Variants in QSER1 observed in about 807,000 individuals in gnomAD.
QSER1 encodes the protein glutamine and serine rich 1, also known as glutamine and serine-rich protein 1.
In QSER1, 49 loss-of-function variants were observed where a neutral mutation model predicts 158.5. The observed-to-expected ratio is 0.31, with a 90% CI of 0.25 to 0.39. QSER1 has a LOEUF of 0.39. Ranked by LOEUF, QSER1 falls within the 10% of genes least tolerant of loss-of-function variation. The pLI is 1.00. For synonymous variants in QSER1, 650 were observed against 715.5 expected (o/e 0.91, Z 1.46); for missense variants, 1,754 against 2,010.3 (o/e 0.87, Z 2.44).
rs745576794 is a variant in QSER1, at chr11:32,933,982, T to G, written c.2724T>G (p.Gly908=). ...QMEGHVIQSN[G]DHSQQQLHPQ... is the part of the protein sequence containing the mutation. ...AAGGTCATGTTATTCAAAGCAATGG[T>G]GATCATTCTCAGCAGCAACTCCATC... The change falls in exon 4 of 13, where the codon GGT becomes GGG. Residue 908 remains glycine (G), a synonymous_variant. Transcript: ENST00000650167. The G allele has an allele frequency of 6.2e-7, 1 of 1,613,876 alleles. No homozygotes were observed. The highest frequency in any genetic ancestry group is 8.5e-7 in the Non-Finnish European group (1 of 1,179,924).
rs541439434 is a variant in QSER1 at position 32,956,328 on chromosome 11, C to CT, written c.4751+211dup. On this transcript the variant is annotated intron_variant, in intron 7 of 12. Coordinates refer to ENST00000650167, the MANE Select transcript of QSER1 (RefSeq NM_001076786.3). The stretch of plus-strand genomic sequence containing the variant: ...TGGCTATCTGTGGTGGGTGGGTGCC[C>CT]TTTTCTTTTCCCTAAGTCCTTTTGG... 1.4e-3 allele frequency among the ~76,000 whole-genome samples: 207 copies of CT among 152,016 alleles called. 6 individuals are homozygous for CT. Among genetic ancestry groups the CT allele is most frequent in the Admixed American group, 0.013 (198 of 15,280 alleles).
chr11:32,964,900 T>C (rs1225013147), intron 8 of QSER1, among the ~76,000 whole-genome samples: 2 of 144,284 alleles, frequency 1.4e-5, no homozygotes, highest in Admixed American at 1.4e-4. Context: ...TGAAACAAAC[T>C]TTTTTTTTTT....
At chr11:32,958,605 C>T (rs1382379204) in intron 8 of QSER1, among the ~76,000 whole-genome samples, 2 of 152,110 alleles carry the variant, frequency 1.3e-5, no homozygotes, top group Non-Finnish European at 2.9e-5. Flanking sequence ...TGGTCTCAAA[C>T]TCCTGGGCTT....
Position 32,927,253 on chromosome 11 carries a change from C to T in QSER1, c.306C>T (p.Pro102=), listed in dbSNP as rs1851984217. Reference sequence around the variant, plus strand: ...CTCATCAGCTTCCTGGATATGCTCCCACACCTCAGCCTACTGGTAACAATT... The same window carrying T: ...CTCATCAGCTTCCTGGATATGCTCCTACACCTCAGCCTACTGGTAACAATT... ...AASHQLPGYA[P]TPQPTGLSGI... Residue 102 remains proline, a synonymous_variant, in exon 2 of 13, where the codon CCC becomes CCT. Transcript: ENST00000650167. 6.5e-6 allele frequency: 1 copy of T among 152,722 alleles called. No individual in the cohort carries two copies. Among genetic ancestry groups the T allele is most frequent in the South Asian group, 2.1e-4 (1 of 4,830 alleles). The allele number at this position is 152,722 out of a possible 1,614,324, so 9.5% of individuals were successfully genotyped here. A position where few individuals can be genotyped will look rare whatever the true frequency, so the allele number is the denominator to read the frequency against.
At chr11:32,915,051 G>C (rs567592311) in intron 1 of QSER1, among the ~76,000 whole-genome samples, 6 of 152,168 alleles carry the variant, frequency 3.9e-5, no homozygotes, top group African/African-American at 1.2e-4. Context: ...CCCCTGAGTA[G>C]CTTGGACTAC....
At position 32,932,581 on chromosome 11, in the gene QSER1, T is replaced by G; in HGVS notation, c.1323T>G (p.Pro441=). 2 of 1,614,152 alleles carry G rather than the reference T, an allele frequency of 1.2e-6. 1 individual carries two copies. The highest frequency in any genetic ancestry group is 3.3e-4 in the Middle Eastern group (2 of 6,062). Residue 441 remains proline (P), a synonymous_variant, in exon 4 of 13, where the codon CCT becomes CCG. Transcript: ENST00000650167. The stretch of plus-strand genomic sequence containing the variant: ...TGCAAACACTAAGCTATTCCAAACC[T>G]TTACATAATCAGAGTTCTGTAATAT... ...PPVQTLSYSK[P]LHNQSSVISG... is the part of the protein sequence containing the mutation.
In QSER1 at chr11:32,978,740, C is replaced by T. The variant is rs1174198492; in HGVS notation, c.*2266C>T. 1 of 152,140 alleles carries T rather than the reference C, an allele frequency of 6.6e-6. No individual in the cohort carries two copies. Among genetic ancestry groups the T allele is most frequent in the Non-Finnish European group, 1.5e-5 (1 of 68,016 alleles). 9.4% of individuals were successfully genotyped at this position (152,140 alleles called of 1,614,324 possible). The stretch of plus-strand genomic sequence containing the variant: ...AGTCTATGATACTGCCTCAAAGAGA[C>T]CCTATTGTGTAGATGCATCATCTTC... On this transcript the variant is annotated 3_prime_UTR_variant, in exon 13 of 13. Transcript: ENST00000650167.
chr11:32,897,066 T>G (rs1851564749), intron 1 of QSER1, among the ~76,000 whole-genome samples: 1 of 152,236 alleles, frequency 6.6e-6, no homozygotes, highest in South Asian at 2.1e-4. Context: ...AACTAATTTG[T>G]GCTAGCTGTT....
At chr11:32,972,076 A>C (rs1852872279) in intron 10 of QSER1, among the ~76,000 whole-genome samples, 1 of 150,140 alleles carries the variant, frequency 6.7e-6, no homozygotes, top group African/African-American at 2.5e-5. Context: ...AAAAAAAAAA[A>C]ACAAAACAGT....
intron 10 of QSER1, among the ~76,000 whole-genome samples, chr11:32,971,829 C>T (rs995857902): frequency 2.6e-5 from 4 of 151,990 alleles, no homozygotes; most frequent in African/African-American, 7.3e-5. Flanking sequence ...TTTGGGAGGC[C>T]GAGGTGGGCG....
chr11:32,953,862 C>T lies in QSER1; in HGVS notation c.4183C>T (p.Leu1395=). The T allele has an allele frequency of 1.2e-6, 2 of 1,609,708 alleles. No individual in the cohort carries two copies. Among genetic ancestry groups the T allele is most frequent in the Non-Finnish European group, 1.7e-6 (2 of 1,177,222 alleles). ...TSDKKKKTEA[L]QVATTSPTAN... ...TTTGCTTGGTTTTGTTTCAGAAGCCCTACAGGTGGCAACTACTAGCCCAAC... is the reference window on the plus strand; with the variant it reads ...TTTGCTTGGTTTTGTTTCAGAAGCCTTACAGGTGGCAACTACTAGCCCAAC... The change falls in exon 5 of 13, where the codon CTA becomes TTA. Residue 1395 remains leucine (L), a synonymous_variant. Coordinates refer to ENST00000650167, the MANE Select transcript of QSER1 (RefSeq NM_001076786.3).
rs1481867719 is a variant in QSER1 at position 32,932,500 on chromosome 11, A to AG, written c.1243dup (p.Glu415GlyfsTer11). The AG allele has an allele frequency of 6.2e-7, 1 of 1,613,980 alleles. No individual in the cohort carries two copies. Among genetic ancestry groups the AG allele is most frequent in the Non-Finnish European group, 8.5e-7 (1 of 1,180,028 alleles). ...CTACAAAAATAAAAAGCTGTTCTAC[A>AG]GAACAACCACTGACATCAACCAAGA... On this transcript the variant is annotated frameshift_variant, in exon 4 of 13. Transcript: ENST00000650167. LOFTEE classifies it high-confidence loss of function.
At chr11:32,914,150 C>T (rs760510012) in intron 1 of QSER1, among the ~76,000 whole-genome samples, 2 of 151,996 alleles carry the variant, frequency 1.3e-5, no homozygotes, top group African/African-American at 4.8e-5. Context: ...TATTTCTATT[C>T]GGATTTTATA....
At position 32,977,293 on chromosome 11, in the gene QSER1, TC is replaced by T. The variant is rs1459776152; in HGVS notation, c.*820del. On this transcript the variant is annotated 3_prime_UTR_variant, in exon 13 of 13. Transcript: ENST00000650167. ...AACACCTTTTGTTATTTTCAGTAAATCTTAGTTATATGTTGAATTTCTAATG... is the reference window on the plus strand; with the variant it reads ...AACACCTTTTGTTATTTTCAGTAAATTTAGTTATATGTTGAATTTCTAATG... The T allele has an allele frequency of 6.6e-6, 1 of 152,636 alleles. No homozygotes were observed. Among genetic ancestry groups the T allele is most frequent in the Non-Finnish European group, 1.5e-5 (1 of 68,022 alleles). 9.5% of individuals were successfully genotyped at this position (152,636 alleles called of 1,614,324 possible).
At chr11:32,908,119 A>C (rs942770109) in intron 1 of QSER1, among the ~76,000 whole-genome samples, 1 of 152,068 alleles carries the variant, frequency 6.6e-6, no homozygotes, top group African/African-American at 2.4e-5. Flanking sequence ...AAAGCATTAC[A>C]AAAAAAATAC....
chr11:32,928,199 T>C (rs1851999492), intron 3 of QSER1, 76 bp downstream of exon 3: 1 of 900,924 alleles, frequency 1.1e-6, no homozygotes, highest in South Asian at 1.5e-5. Flanking sequence ...GCCTTGTCAT[T>C]GTGGCTGGGA....
At chr11:32,921,021 AACAT>A (rs1319225356) in intron 1 of QSER1, among the ~76,000 whole-genome samples, 2 of 152,216 alleles carry the variant, frequency 1.3e-5, no homozygotes, top group Admixed American at 6.5e-5. Flanking sequence ...GAGAAATTAA[AACAT>A]ACATCTATAC....
chr11:32,949,592 G>T (rs958758237), intron 4 of QSER1, among the ~76,000 whole-genome samples: 16 of 152,196 alleles, frequency 1.1e-4, no homozygotes, highest in Admixed American at 3.3e-4. Context: ...TGTTAGAAAT[G>T]TTTAACATTT....
rs985945896 is a variant in QSER1, at chr11:32,934,667, G to C, written c.3409G>C (p.Val1137Leu). ...AAATAATAACAGAAACCAAGAGTTT[G>C]TTTCTAGTAGTAGAAGTATAAGTGG... ...TLNNNRNQEF[V>L]SSSRSISGEN... Residue 1137 changes from valine (V) to leucine (L), a missense_variant, in exon 4 of 13, where the codon GTT becomes CTT. Physicochemically the swap from Val to Leu is conservative, Grantham distance 32. Coordinates refer to ENST00000650167, the MANE Select transcript of QSER1 (RefSeq NM_001076786.3). The C allele has an allele frequency of 6.2e-7, 1 of 1,613,836 alleles. No homozygotes were observed. Among genetic ancestry groups the C allele is most frequent in the Non-Finnish European group, 8.5e-7 (1 of 1,179,940 alleles).
Sources: allele counts gnomAD v4.1 joint callset (sites outside exome capture counted in the v4.1 genomes callset), GRCh38; gene constraint gnomAD v4.1.1; transcripts MANE v1.5; gene names NCBI Gene and HGNC (gene_info 2026-07-23, HGNC 2026-07-21).